Variants in HYAL1 observed in about 807,000 individuals in gnomAD.
HYAL1 encodes the protein hyaluronidase-1.
A neutral mutation model predicts 28.8 loss-of-function variants in HYAL1; 21 were observed. The ratio of observed to expected loss-of-function variants is 0.73; its 90% CI spans 0.52 to 1.05. The LOEUF (loss-of-function observed/expected upper bound fraction) is 1.05. Ranked by LOEUF, HYAL1 falls within the 50% of genes least tolerant of loss-of-function variation. The pLI, the probability that HYAL1 is intolerant of heterozygous loss-of-function variation, is 0.00. For synonymous variants in HYAL1, 200 were observed against 230.1 expected (o/e 0.87, Z 1.18); for missense variants, 491 against 579.2 (o/e 0.85, Z 1.56).
intron 1 of HYAL1, among the ~76,000 whole-genome samples, chr3:50,311,065 G>T (rs1476946914): frequency 1.3e-5 from 2 of 152,060 alleles, no homozygotes; most frequent in Non-Finnish European, 2.9e-5. Context: ...CACCTTTCTA[G>T]TCCACAAAAC....
At position 50,302,261 on chromosome 3, in the gene HYAL1, T is replaced by A; in HGVS notation, c.696A>T (p.Leu232=). The A allele has an allele frequency of 6.2e-7, 1 of 1,613,866 alleles. No homozygotes were observed. Among genetic ancestry groups the A allele is most frequent in the Non-Finnish European group, 8.5e-7 (1 of 1,180,030 alleles). ...PSGIRAQNDQ[L]GWLWGQSRAL... is the part of the protein sequence containing the mutation. Reference sequence around the variant, plus strand: ...CACGGCTCTGGCCCCACAGCCACCCTAGCTGGTCATTTTGGGCACGGATGC... The same window carrying A: ...CACGGCTCTGGCCCCACAGCCACCCAAGCTGGTCATTTTGGGCACGGATGC... Residue 232 remains leucine (L), a synonymous_variant, in exon 2 of 4, where the codon CTA becomes CTT. Transcript: ENST00000395144. The surrounding 1 kb of genome is among the most constrained non-coding windows in gnomAD (Gnocchi z 5.0).
intron 3 of HYAL1, 54 bp from the exon 4 acceptor site, chr3:50,300,854 C>T (rs782480974): frequency 6.3e-7 from 1 of 1,580,716 alleles, no homozygotes; most frequent in African/African-American, 1.3e-5. Context: ...TATGGACCCA[C>T]CCAGGGCACT....
At chr3:50,304,296 A>AATATATAT (rs1175956843), upstream of HYAL1, among the ~76,000 whole-genome samples, 62 of 30,430 alleles carry the variant, frequency 2.0e-3, 1 homozygote, top group East Asian at 0.015. Context: ...AAAAAAAAAA[A>AATATATAT]ATATATATAT....
chr3:50,301,615 C>CAAA (rs34686771), intron 2 of HYAL1, among the ~76,000 whole-genome samples: 2 of 45,906 alleles, frequency 4.4e-5, no homozygotes, highest in East Asian at 6.0e-4. Context: ...GACTCCGTCT[C>CAAA]AAAAAAAAAA....
At chr3:50,305,326 C>T (rs2109312693), upstream of HYAL1, among the ~76,000 whole-genome samples, 1 of 152,278 alleles carries the variant, frequency 6.6e-6, no homozygotes, top group South Asian at 2.1e-4. Context: ...TCACTGCAAG[C>T]TCTGCCCCCC....
At chr3:50,306,170 C>T (rs1162346561), upstream of HYAL1, among the ~76,000 whole-genome samples, 1 of 147,786 alleles carries the variant, frequency 6.8e-6, no homozygotes, top group Non-Finnish European at 1.5e-5. Context: ...CCAGAGAATC[C>T]TTGATTTCTC....
At chr3:50,310,601 T>C (rs1309790137) in intron 1 of HYAL1, among the ~76,000 whole-genome samples, 3 of 150,466 alleles carry the variant, frequency 2.0e-5, no homozygotes, top group South Asian at 4.2e-4. Context: ...TCTTTTTTTT[T>C]TTTAATTATT....
At position 50,302,508 on chromosome 3, in the gene HYAL1, C is replaced by T. The variant is rs782788446; in HGVS notation, c.449G>A (p.Arg150His). 8.1e-6 allele frequency: 13 copies of T among 1,614,192 alleles called. No homozygotes were observed. Among genetic ancestry groups the T allele is most frequent in the Middle Eastern group, 1.7e-4 (1 of 6,058 alleles). The change falls in exon 2 of 4, where the codon CGC becomes CAC. Residue 150 changes from arginine (R) to histidine (H), a missense_variant. Coordinates refer to ENST00000395144, the MANE Select transcript of HYAL1 (RefSeq NM_033159.4). This position sits in a 1 kb window ranked among gnomAD's most constrained non-coding sequence, Gnocchi z 5.0. The part of the protein sequence containing the change: ...NWDTKDIYRQ[R>H]SRALVQAQHP... ...CTGTGCCTGTACCAGTGCCCGTGAG[C>T]GCTGCCGGTAAATGTCCTTGGTGTC...
At chr3:50,301,934 G>C (rs760288723) in intron 2 of HYAL1, 123 bp downstream of exon 2, 3 of 1,044,254 alleles carry the variant, frequency 2.9e-6, no homozygotes, top group African/African-American at 3.2e-5. Flanking sequence ...CTGGGTGACA[G>C]AGTGAGACTC....
chr3:50,302,549 G>A lies in HYAL1; in HGVS notation c.408C>T (p.Arg136=), dbSNP rs782343934. ...AVIDWEAWRP[R]WAFNWDTKDI... ...CCTTGGTGTCCCAGTTGAAGGCCCA[G>A]CGTGGGCGCCATGCCTCCCAGTCGA... Residue 136 remains arginine, a synonymous_variant, in exon 2 of 4, where the codon CGC becomes CGT. Coordinates refer to ENST00000395144, the MANE Select transcript of HYAL1 (RefSeq NM_033159.4). This position sits in a 1 kb window ranked among gnomAD's most constrained non-coding sequence, Gnocchi z 5.0. 9 of 1,614,190 alleles carry A rather than the reference G, an allele frequency of 5.6e-6. No homozygotes were observed. In the South Asian group the frequency reaches 9.9e-5, roughly 18 times the overall value.
chr3:50,310,249 G>A (rs1260052185), intron 1 of HYAL1, among the ~76,000 whole-genome samples: 1 of 147,770 alleles, frequency 6.8e-6, no homozygotes, highest in Non-Finnish European at 1.5e-5. Flanking sequence ...TGGAGTCACT[G>A]AAAACTAAGC....
chr3:50,301,985 A>G, intron 2 of HYAL1, 72 bp downstream of exon 2: 1 of 1,499,324 alleles, frequency 6.7e-7, no homozygotes, highest in East Asian at 2.3e-5. Context: ...TCCCAAAGCT[A>G]AAGTACCCCA....
chr3:50,300,751 A>C lies in HYAL1; in HGVS notation c.1040T>G (p.Phe347Cys), dbSNP rs1553712576. 1 of 1,614,042 alleles carries C rather than the reference A, an allele frequency of 6.2e-7. No homozygotes were observed. Among genetic ancestry groups the C allele is most frequent in the Admixed American group, 1.7e-5 (1 of 60,004 alleles). ...GGCCCCACTGGTCACGTTCAGGATGAAGGGCCCCAGTGTAGTGTCCATATA... is the reference window on the plus strand; with the variant it reads ...GGCCCCACTGGTCACGTTCAGGATGCAGGGCCCCAGTGTAGTGTCCATATA... ...KEYMDTTLGP[F>C]ILNVTSGALL... The change falls in exon 4 of 4, where the codon TTC (phenylalanine) becomes TGC (cysteine). Residue 347 changes from phenylalanine to cysteine, a missense_variant. Phe to Cys is a radical substitution (Grantham distance 205, BLOSUM62 -2). Coordinates refer to ENST00000395144, the MANE Select transcript of HYAL1 (RefSeq NM_033159.4).
upstream of HYAL1, among the ~76,000 whole-genome samples, chr3:50,307,735 G>C (rs1702363220): frequency 1.5e-5 from 2 of 133,372 alleles, no homozygotes; most frequent in Non-Finnish European, 1.6e-5. Context: ...GGGATGTTCA[G>C]AACAAATTGG....
intron 2 of HYAL1, 41 bp from the exon 3 acceptor site, chr3:50,301,118 A>C: frequency 7.6e-7 from 1 of 1,317,472 alleles, no homozygotes. Flanking sequence ...CCTCCTTCCC[A>C]CCATGTGGCA....
upstream of HYAL1, among the ~76,000 whole-genome samples, chr3:50,306,403 C>T (rs1553714032): frequency 2.7e-5 from 4 of 150,726 alleles, no homozygotes; most frequent in African/African-American, 7.5e-5. Flanking sequence ...GCCTGAGACC[C>T]ATCACTAGGT....
chr3:50,300,645 A>G lies in HYAL1; in HGVS notation c.1146T>C (p.Leu382=), dbSNP rs1259207908. The stretch of plus-strand genomic sequence containing the variant: ...GCTGGATGGAGAAACTGGCAGGGTT[A>G]AGGAGGAGGAGGGCTTTGGGGTGGC... The part of the protein sequence containing the change: ...RTSHPKALLL[L]NPASFSIQLT... The change falls in exon 4 of 4, where the codon CTT becomes CTC. Residue 382 remains leucine (L), a synonymous_variant. Transcript: ENST00000395144. 5.0e-6 allele frequency: 8 copies of G among 1,613,912 alleles called. No homozygotes were observed. In the African/African-American group the frequency reaches 1.1e-4, roughly 22 times the overall value.
rs1272482686 is a variant in HYAL1 at position 50,302,264 on chromosome 3, C to A, written c.693G>T (p.Gln231His). 1.9e-6 allele frequency: 3 copies of A among 1,613,756 alleles called. No individual in the cohort carries two copies. The highest frequency in any genetic ancestry group is 2.5e-6 in the Non-Finnish European group (3 of 1,180,044). The change falls in exon 2 of 4, where the codon CAG becomes CAT. Residue 231 changes from glutamine (Q) to histidine (H), a missense_variant. Gln to His is a conservative substitution (Grantham distance 24, BLOSUM62 0). Coordinates refer to ENST00000395144, the MANE Select transcript of HYAL1 (RefSeq NM_033159.4). The surrounding 1 kb of genome is among the most constrained non-coding windows in gnomAD (Gnocchi z 5.0). Reference protein sequence around the residue: ...CPSGIRAQNDQLGWLWGQSRA... With the variant: ...CPSGIRAQNDHLGWLWGQSRA... ...GGCTCTGGCCCCACAGCCACCCTAG[C>A]TGGTCATTTTGGGCACGGATGCCTG... is the stretch of plus-strand genomic sequence containing the variant.
intron 1 of HYAL1, among the ~76,000 whole-genome samples, chr3:50,311,319 AC>A (rs1185670299): frequency 8.9e-6 from 1 of 112,482 alleles, no homozygotes; most frequent in Non-Finnish European, 1.9e-5. Flanking sequence ...CGGGGGGCTG[AC>A]CCCCCCACCT....
Sources: gnomAD v4.1 joint callset for allele counts (sites outside exome capture counted in the v4.1 genomes callset) on GRCh38, gnomAD v4.1.1 for gene constraint, Gnocchi (gnomAD v3.1) non-coding constraint, MANE v1.5 for transcripts, NCBI Gene and HGNC (gene_info 2026-07-23, HGNC 2026-07-21) for gene names.